The following ZXDC variants were observed in gnomAD, a reference collection of about 807,000 sequenced individuals.
ZXDC encodes zinc finger protein ZXDC.
Under a neutral mutation model 63.6 loss-of-function variants are expected in ZXDC, and 58 were observed. That is an observed-to-expected ratio of 0.91 (90% CI 0.74 to 1.13). ZXDC has a LOEUF of 1.13. ZXDC is among the 50% of genes most tolerant of loss of function. The probability of loss-of-function intolerance (pLI) is 0.00; values close to 1 mark genes in which losing one functional copy is unlikely to be tolerated. For synonymous variants in ZXDC, 561 were observed against 496.1 expected (o/e 1.13, Z -1.74); for missense variants, 1,133 against 1,148.9 (o/e 0.99, Z 0.20).
chr3:126,462,451 G>A lies in ZXDC; in HGVS notation c.1442-231C>T, dbSNP rs557312462. Among the ~76,000 whole-genome samples the A allele has an allele frequency of 1.4e-4, 21 of 152,266 alleles. No homozygotes were observed. In the South Asian group the frequency reaches 4.4e-3, roughly 32 times the overall value. On this transcript the variant is annotated intron_variant, in intron 5 of 9. Transcript: ENST00000389709. ...CACTGGCTGAAATCAGACACTTTAC[G>A]TACGCGTCTTGGATCCTCAGGCTGA...
chr3:126,452,911 A>ATT, intron 7 of ZXDC: 20 of 582,290 alleles, frequency 3.4e-5, no homozygotes, highest in Non-Finnish European at 3.9e-5. Context: ...GCTAATTATT[A>ATT]TTTTTTTTAC....
At chr3:126,448,249 C>A (rs1431891185) in intron 7 of ZXDC, among the ~76,000 whole-genome samples, 1 of 152,180 alleles carries the variant, frequency 6.6e-6, no homozygotes, top group African/African-American at 2.4e-5. Context: ...TTGAGGTCTG[C>A]GCAAGTTTCA....
intron 7 of ZXDC, chr3:126,454,837 A>T (rs2107640325): frequency 1.0e-6 from 1 of 985,446 alleles, no homozygotes; most frequent in Middle Eastern, 5.2e-4. Flanking sequence ...ACACTGAGAG[A>T]AAAATTCTTG....
In ZXDC at chr3:126,470,254, G is replaced by A. The variant is rs376223047; in HGVS notation, c.1270+641C>T. ...GGCCAAAGTGGGTGGATCACTTGAC[G>A]TCAGGAGTTTGAGACCATCCTGGCC... On this transcript the variant is annotated intron_variant, in intron 4 of 9. Transcript: ENST00000389709. Among the ~76,000 whole-genome samples, 7 of 152,196 alleles carry A rather than the reference G, an allele frequency of 4.6e-5. No individual in the cohort carries two copies. In the East Asian group the frequency reaches 7.7e-4, roughly 17 times the overall value.
At position 126,462,006 on chromosome 3, in the gene ZXDC, G is replaced by C. The variant is rs116147033; in HGVS notation, c.1656C>G (p.Asn552Lys). ...VTSVSSSLGG[N>K]LPANNSSLGP... is the part of the protein sequence containing the mutation. ...CTAGGGAGCTATTATTAGCAGGGAG[G>C]TTCCCTCCCAGAGAGGAGCTCACAG... Residue 552 changes from asparagine (N) to lysine (K), a missense_variant, in exon 6 of 10, where the codon AAC becomes AAG. By Grantham distance (94) the Asn-to-Lys change is moderately conservative. Coordinates refer to ENST00000389709, the MANE Select transcript of ZXDC (RefSeq NM_025112.5). 2.5e-6 allele frequency: 4 copies of C among 1,613,972 alleles called. No individual in the cohort carries two copies. The African/African-American group carries it at 4.0e-5, about 16-fold the overall frequency.
chr3:126,444,374 T>C (rs988179357), intron 7 of ZXDC, among the ~76,000 whole-genome samples: 1 of 151,864 alleles, frequency 6.6e-6, no homozygotes, highest in Non-Finnish European at 1.5e-5. Flanking sequence ...CTACTAAAAA[T>C]ACAAAAAATT....
chr3:126,444,285 C>A (rs181379894), intron 7 of ZXDC, among the ~76,000 whole-genome samples: 6 of 152,308 alleles, frequency 3.9e-5, no homozygotes, highest in African/African-American at 1.2e-4. Context: ...GTAATCCCAG[C>A]GCTTTGGGAG....
At chr3:126,461,099 T>C in intron 6 of ZXDC, 3 of 986,466 alleles carry the variant, frequency 3.0e-6, no homozygotes, top group Non-Finnish European at 3.6e-6. Flanking sequence ...TTTTTCTTGT[T>C]AATTCTAATT....
intron 4 of ZXDC, among the ~76,000 whole-genome samples, chr3:126,469,667 C>T (rs1199489216): frequency 6.6e-6 from 1 of 152,168 alleles, no homozygotes; most frequent in African/African-American, 2.4e-5. Context: ...GAGGCTCTCC[C>T]AGGCCACTCC....
chr3:126,441,112 C>T, intron 8 of ZXDC: 1 of 985,716 alleles, frequency 1.0e-6, no homozygotes, highest in Non-Finnish European at 1.2e-6. Context: ...CCATTCCAGC[C>T]CCTCAAACTG....
At chr3:126,441,036 A>C in intron 8 of ZXDC, 1 of 985,558 alleles carries the variant, frequency 1.0e-6, no homozygotes, top group Non-Finnish European at 1.2e-6. Flanking sequence ...CACCTGGGCC[A>C]AACCCAGACA....
chr3:126,469,872 T>C (rs568978436), intron 4 of ZXDC, among the ~76,000 whole-genome samples: 1 of 152,348 alleles, frequency 6.6e-6, no homozygotes, highest in Admixed American at 6.5e-5. Context: ...CACTTGTATA[T>C]ATGTTCATTA....
At chr3:126,440,859 C>T in intron 8 of ZXDC, 2 of 985,994 alleles carry the variant, frequency 2.0e-6, no homozygotes, top group Non-Finnish European at 2.4e-6. Flanking sequence ...AGCCCCAGGC[C>T]TGGTCCTGTT....
intron 7 of ZXDC, chr3:126,451,979 T>C: frequency 6.1e-6 from 6 of 985,428 alleles, no homozygotes; most frequent in Non-Finnish European, 7.2e-6. Context: ...CTTCATGCCT[T>C]AGAAAAACCT....
In ZXDC at chr3:126,475,770, G is replaced by C. The variant is rs1010629378; in HGVS notation, c.96C>G (p.Gly32=). The C allele has an allele frequency of 5.3e-6, 6 of 1,138,932 alleles. No homozygotes were observed. In the African/African-American group the frequency reaches 9.9e-5, roughly 19 times the overall value. The allele number at this position is 1,138,932 out of a possible 1,614,324, so 70.6% of individuals were successfully genotyped here. ...GPLRRAPAPL[G]ASPARRRLLL... The stretch of plus-strand genomic sequence containing the variant: ...GCAGGCGGCGGCGCGCGGGGCTCGC[G>C]CCGAGCGGCGCTGGGGCTCGGCGGA... Residue 32 remains glycine (G), a synonymous_variant, in exon 1 of 10, where the codon GGC becomes GGG. Coordinates refer to ENST00000389709, the MANE Select transcript of ZXDC (RefSeq NM_025112.5).
intron 4 of ZXDC, among the ~76,000 whole-genome samples, chr3:126,469,021 G>A (rs1030405465): frequency 2.0e-5 from 3 of 152,162 alleles, no homozygotes; most frequent in African/African-American, 7.2e-5. Flanking sequence ...TTCCATATGC[G>A]CTAAACTTAG....
At chr3:126,453,569 C>T in intron 7 of ZXDC, 1 of 985,488 alleles carries the variant, frequency 1.0e-6, no homozygotes, top group South Asian at 4.7e-5. Context: ...ATCCCAAGTG[C>T]AGCGTGCTTC....
At chr3:126,442,191 C>A in intron 7 of ZXDC, 1 of 355,208 alleles carries the variant, frequency 2.8e-6, no homozygotes, top group South Asian at 8.8e-5. Context: ...ATTTTTTTGC[C>A]AGACGGTACG....
intron 7 of ZXDC, among the ~76,000 whole-genome samples, chr3:126,455,999 CA>C (rs1324111817): frequency 1.4e-5 from 2 of 141,558 alleles, no homozygotes; most frequent in African/African-American, 2.6e-5. Context: ...GACTCCATCT[CA>C]AAAAAAAACA....
Sources: gnomAD v4.1 joint callset for allele counts (sites outside exome capture counted in the v4.1 genomes callset) on GRCh38, gnomAD v4.1.1 for gene constraint, MANE v1.5 for transcripts, NCBI Gene and HGNC (gene_info 2026-07-23, HGNC 2026-07-21) for gene names.